DCT: variants seen among roughly 807,000 people sequenced by gnomAD.
DCT encodes the protein L-dopachrome tautomerase.
Under a neutral mutation model 53.0 loss-of-function variants are expected in DCT, and 47 were observed. The ratio of observed to expected loss-of-function variants is 0.89; its 90% CI spans 0.70 to 1.13. DCT has a LOEUF of 1.13. DCT is among the 50% of genes most tolerant of loss of function. The probability of loss-of-function intolerance (pLI) is 0.00; values close to 1 mark genes in which losing one functional copy is unlikely to be tolerated. For missense variants in DCT, 669 were observed against 637.4 expected (o/e 1.05, Z -0.53); for synonymous variants, 244 against 237.0 (o/e 1.03, Z -0.27).
At chr13:94,503,570 A>G in the DCT span, among the ~76,000 whole-genome samples, 1 of 152,100 alleles carries the variant, frequency 6.6e-6, no homozygotes, top group Non-Finnish European at 1.5e-5. Context: ...GCCTCAGAAA[A>G]CTGGAGAGAC....
In DCT at chr13:94,447,740, G is replaced by A. The variant is rs902402559; in HGVS notation, c.1180-4103C>T. Among the ~76,000 whole-genome samples the A allele has an allele frequency of 1.3e-5, 2 of 152,194 alleles. 1 individual carries two copies. The highest frequency in any genetic ancestry group is 1.3e-4 in the Admixed American group (2 of 15,278). ...ATTGTGATGACAGAAAGAGACAAGAGACTATCAGGACACAAGGAAGATGCA... is the reference window on the plus strand; with the variant it reads ...ATTGTGATGACAGAAAGAGACAAGAAACTATCAGGACACAAGGAAGATGCA... On this transcript the variant is annotated intron_variant, in intron 6 of 7. Coordinates refer to ENST00000377028, the MANE Select transcript of DCT (RefSeq NM_001922.5).
the DCT span, among the ~76,000 whole-genome samples, chr13:94,493,363 A>G: frequency 6.6e-6 from 1 of 152,202 alleles, no homozygotes; most frequent in Non-Finnish European, 1.5e-5. Flanking sequence ...ATGCAAACTA[A>G]TCTTAAGTGA....
At chr13:94,464,031 G>A (rs1009023270) in intron 4 of DCT, among the ~76,000 whole-genome samples, 8 of 152,276 alleles carry the variant, frequency 5.3e-5, no homozygotes, top group Non-Finnish European at 7.3e-5. Flanking sequence ...ACTTGATGAC[G>A]GAAATCTCTT....
chr13:94,499,579 T>C, the DCT span, among the ~76,000 whole-genome samples: 1 of 152,148 alleles, frequency 6.6e-6, no homozygotes, highest in Non-Finnish European at 1.5e-5. Flanking sequence ...CAGCATGAAT[T>C]AGATGGCCTA....
Position 94,479,269 on chromosome 13 carries a change from G to T in DCT, c.-14C>A. On this transcript the variant is annotated 5_prime_UTR_variant, in exon 1 of 8. Transcript: ENST00000377028. ...AAGGGGGCTCATGGCTTTATAATTGGGAGAGCTCTCTCTCTCTCTTACTTT... is the reference window on the plus strand; with the variant it reads ...AAGGGGGCTCATGGCTTTATAATTGTGAGAGCTCTCTCTCTCTCTTACTTT... 6.5e-7 allele frequency: 1 copy of T among 1,550,106 alleles called. No homozygotes were observed. The highest frequency in any genetic ancestry group is 8.7e-7 in the Non-Finnish European group (1 of 1,143,072).
intron 6 of DCT, chr13:94,452,596 T>C (rs1320114216): frequency 1.1e-5 from 8 of 759,170 alleles, no homozygotes. Flanking sequence ...GATTCTATTC[T>C]CTTTACTTAC....
the DCT span, among the ~76,000 whole-genome samples, chr13:94,518,138 GAA>G: frequency 6.8e-6 from 1 of 147,248 alleles, no homozygotes; most frequent in Admixed American, 6.8e-5. Context: ...AGGAAGGAAG[GAA>G]GGAAGGAAGG....
the DCT span, among the ~76,000 whole-genome samples, chr13:94,507,503 C>CTT: frequency 3.0e-3 from 422 of 140,264 alleles, 10 homozygotes; most frequent in Admixed American, 6.3e-3. Context: ...GGTATATTGA[C>CTT]TTTTTTTTTT....
At chr13:94,523,473 G>A in the DCT span, among the ~76,000 whole-genome samples, 1 of 152,138 alleles carries the variant, frequency 6.6e-6, no homozygotes, top group Non-Finnish European at 1.5e-5. Context: ...ATCTAGTCTT[G>A]CAGTTACCTG....
At chr13:94,474,333 G>A (rs965709067) in intron 1 of DCT, among the ~76,000 whole-genome samples, 1 of 152,118 alleles carries the variant, frequency 6.6e-6, no homozygotes, top group African/African-American at 2.4e-5. Context: ...AAAGCCATTA[G>A]ACTAAATAAG....
At chr13:94,534,066 T>A in the DCT span, among the ~76,000 whole-genome samples, 2 of 152,064 alleles carry the variant, frequency 1.3e-5, no homozygotes, top group East Asian at 3.9e-4. Flanking sequence ...TCAAAACAAT[T>A]GTTACAAAAT....
chr13:94,502,829 G>T, the DCT span, among the ~76,000 whole-genome samples: 2 of 152,134 alleles, frequency 1.3e-5, no homozygotes, highest in South Asian at 4.2e-4. Context: ...GACCACATCT[G>T]CTCATGCAGA....
At chr13:94,491,715 C>T in the DCT span, among the ~76,000 whole-genome samples, 4 of 152,170 alleles carry the variant, frequency 2.6e-5, no homozygotes, top group Non-Finnish European at 5.9e-5. Context: ...CATCATAAGA[C>T]TTAGCTGCTT....
At chr13:94,444,766 G>C (rs767328347) in intron 6 of DCT, among the ~76,000 whole-genome samples, 1 of 152,176 alleles carries the variant, frequency 6.6e-6, no homozygotes, top group East Asian at 1.9e-4. Context: ...TACTTATTCA[G>C]TGTATTCATT....
intron 3 of DCT, among the ~76,000 whole-genome samples, chr13:94,466,069 G>T (rs1262502400): frequency 7.3e-6 from 1 of 137,004 alleles, no homozygotes; most frequent in Non-Finnish European, 1.5e-5. Flanking sequence ...AGGAGACCCT[G>T]CCATTTGCAA....
the DCT span, among the ~76,000 whole-genome samples, chr13:94,514,207 A>C: frequency 2.6e-5 from 4 of 152,064 alleles, no homozygotes; most frequent in African/African-American, 9.7e-5. Context: ...ATCCTAATGA[A>C]ATACGGAAAG....
chr13:94,510,480 A>G, the DCT span, among the ~76,000 whole-genome samples: 4 of 152,374 alleles, frequency 2.6e-5, no homozygotes, highest in South Asian at 8.3e-4. Flanking sequence ...ACTAGTATGA[A>G]GAAAAGCATG....
intron 6 of DCT, among the ~76,000 whole-genome samples, chr13:94,458,098 C>T (rs1428709997): frequency 2.0e-5 from 3 of 152,122 alleles, no homozygotes; most frequent in Non-Finnish European, 2.9e-5. Context: ...CCCCCTTTCC[C>T]GGCTAATATG....
the DCT span, among the ~76,000 whole-genome samples, chr13:94,535,040 G>C: frequency 5.8e-3 from 885 of 152,340 alleles, 13 homozygotes; most frequent in African/African-American, 0.02. Context: ...ACTGCACCTG[G>C]CCCAAATGAA....
Sources: allele counts gnomAD v4.1 joint callset (sites outside exome capture counted in the v4.1 genomes callset), GRCh38; gene constraint gnomAD v4.1.1; transcripts MANE v1.5; gene names NCBI Gene and HGNC (gene_info 2026-07-23, HGNC 2026-07-21).